CMIP: variants seen among roughly 807,000 people sequenced by gnomAD.
CMIP encodes C-Maf-inducing protein.
Under a neutral mutation model 97.3 loss-of-function variants are expected in CMIP, and 13 were observed. The ratio of observed to expected loss-of-function variants is 0.13; its 90% CI spans 0.09 to 0.21. The LOEUF (loss-of-function observed/expected upper bound fraction) is 0.21, where lower values mean the gene tolerates loss of function less well. Among genes scored for constraint, CMIP ranks in the 10% least tolerant of loss-of-function variants. The pLI is 1.00. For synonymous variants in CMIP, 538 were observed against 436.3 expected, an observed-to-expected ratio of 1.23 and a Z score of -2.91; for missense variants, 847 against 1,024.9, an observed-to-expected ratio of 0.83 and a Z score of 2.37.
At position 81,699,676 on chromosome 16, in the gene CMIP, G is replaced by T; in HGVS notation, c.1639-9G>T. 6.3e-7 allele frequency: 1 copy of T among 1,589,254 alleles called. No homozygotes were observed. The highest frequency in any genetic ancestry group is 1.1e-5 in the South Asian group (1 of 90,130). On this transcript the variant is annotated splice_polypyrimidine_tract_variant and intron_variant, in intron 14 of 20. Coordinates refer to ENST00000537098, the MANE Select transcript of CMIP (RefSeq NM_198390.3). ...TCTGTCCCTTCACCTGGGCCTTCTT[G>T]CCTCACAGGTGCACATCCTCATGGG...
intron 3 of CMIP, chr16:81,645,691 C>T: frequency 1.1e-5 from 15 of 1,424,570 alleles, no homozygotes; most frequent in Non-Finnish European, 1.4e-5. Context: ...TGCCTGCTGT[C>T]TCTGCTTGCC....
chr16:81,469,472 CAG>C (rs898820914), intron 1 of CMIP, among the ~76,000 whole-genome samples: 1 of 152,190 alleles, frequency 6.6e-6, no homozygotes, highest in Non-Finnish European at 1.5e-5. Context: ...GTGTCTGACA[CAG>C]AGAAAGTATA....
At chr16:81,570,015 G>T (rs1447633184) in intron 1 of CMIP, among the ~76,000 whole-genome samples, 1 of 152,056 alleles carries the variant, frequency 6.6e-6, no homozygotes, top group African/African-American at 2.4e-5. Flanking sequence ...GCATCTGTCT[G>T]TCAAAGCCAA....
chr16:81,524,644 C>T (rs922514283), intron 1 of CMIP, among the ~76,000 whole-genome samples: 3 of 152,354 alleles, frequency 2.0e-5, no homozygotes, highest in South Asian at 2.1e-4. Flanking sequence ...AACTTGCCCA[C>T]GGTGGCACAG....
At chr16:81,572,938 G>T (rs2091120856) in intron 1 of CMIP, among the ~76,000 whole-genome samples, 2 of 152,138 alleles carry the variant, frequency 1.3e-5, no homozygotes, top group Admixed American at 1.3e-4. Flanking sequence ...TCACATCCCA[G>T]TTTCTTCAAA....
At chr16:81,549,918 A>G (rs1192747572) in intron 1 of CMIP, among the ~76,000 whole-genome samples, 1 of 152,186 alleles carries the variant, frequency 6.6e-6, no homozygotes, top group African/African-American at 2.4e-5. Context: ...TGCTGTGTGT[A>G]CATGCTTGTG....
chr16:81,642,125 C>G (rs948176643), intron 3 of CMIP, among the ~76,000 whole-genome samples: 1 of 152,244 alleles, frequency 6.6e-6, no homozygotes, highest in Admixed American at 6.5e-5. Flanking sequence ...TGTCTTGTCA[C>G]TCGTCATTCA....
chr16:81,522,189 G>C (rs117912783), intron 1 of CMIP, among the ~76,000 whole-genome samples: 1 of 152,204 alleles, frequency 6.6e-6, no homozygotes, highest in Non-Finnish European at 1.5e-5. Context: ...ATTCGCCCAC[G>C]ATGATCAGGA....
At chr16:81,520,664 G>A (rs1389841873) in intron 1 of CMIP, 1 of 152,054 alleles carries the variant, frequency 6.6e-6, no homozygotes, top group Non-Finnish European at 1.5e-5. Flanking sequence ...AGTAGGGCCT[G>A]ATTATTGGAA....
At position 81,693,492 on chromosome 16, in the gene CMIP, G is replaced by A. The variant is rs1178068596; in HGVS notation, c.1530+5G>A. ...GCCGAAGACCCCAGGCAAGAGGTGA[G>A]GCCTTTGTTTCTGCATCTCAGGCCG... On this transcript the variant is annotated splice_donor_5th_base_variant and intron_variant, in intron 13 of 20. Coordinates refer to ENST00000537098, the MANE Select transcript of CMIP (RefSeq NM_198390.3). 6 of 1,611,212 alleles carry A rather than the reference G, an allele frequency of 3.7e-6. No individual in the cohort carries two copies. The African/African-American group carries it at 8.0e-5, about 22-fold the overall frequency.
In CMIP at chr16:81,595,965, C is replaced by G. The variant is rs189289848; in HGVS notation, c.301-11602C>G. ...AACTACCAAACTATTTTACAAAAAG[C>G]TGCCTGCATCATTTTACATTCACAC... On this transcript the variant is annotated intron_variant, in intron 1 of 20. Transcript: ENST00000537098. Among the ~76,000 whole-genome samples the G allele has an allele frequency of 5.9e-4, 90 of 152,306 alleles. 1 individual carries two copies. Among genetic ancestry groups the G allele is most frequent in the African/African-American group, 2.1e-3 (88 of 41,574 alleles).
At chr16:81,668,429 C>G (rs1007530807) in intron 7 of CMIP, among the ~76,000 whole-genome samples, 2 of 152,182 alleles carry the variant, frequency 1.3e-5, no homozygotes, top group Non-Finnish European at 2.9e-5. Context: ...GCCCCAAGCC[C>G]CCCACTGGGC....
chr16:81,697,807 T>G (rs1181911780), intron 14 of CMIP: 1 of 152,260 alleles, frequency 6.6e-6, no homozygotes, highest in Non-Finnish European at 1.5e-5. Context: ...AAAGGGCTTA[T>G]TTTTAGGCCC....
intron 3 of CMIP, among the ~76,000 whole-genome samples, chr16:81,640,660 C>T (rs920097316): frequency 2.6e-5 from 4 of 151,952 alleles, no homozygotes; most frequent in African/African-American, 9.7e-5. Context: ...CCTCACCCAG[C>T]TTCTGATGGT....
intron 7 of CMIP, among the ~76,000 whole-genome samples, chr16:81,668,890 T>G: frequency 2.1e-5 from 1 of 48,250 alleles, no homozygotes; most frequent in South Asian, 6.5e-4. Context: ...TTGCCTTCCG[T>G]ACCCACCTCA....
intron 1 of CMIP, among the ~76,000 whole-genome samples, chr16:81,458,809 G>T (rs965271129): frequency 1.2e-4 from 18 of 152,156 alleles, no homozygotes; most frequent in African/African-American, 4.1e-4. Context: ...GAAAGCTGGG[G>T]ATATAAGAGT....
At chr16:81,594,068 C>T (rs1357422218) in intron 1 of CMIP, among the ~76,000 whole-genome samples, 5 of 97,220 alleles carry the variant, frequency 5.1e-5, no homozygotes, top group African/African-American at 2.0e-4. Flanking sequence ...CTTCCCCCTC[C>T]CCCTCTTCCC....
At chr16:81,664,384 G>T (rs376966243) in intron 7 of CMIP, 35 bp downstream of exon 7, 3 of 1,562,312 alleles carry the variant, frequency 1.9e-6, no homozygotes, top group South Asian at 2.4e-5. Flanking sequence ...AGACCCCAGC[G>T]CCCAGAACAT....
intron 1 of CMIP, among the ~76,000 whole-genome samples, chr16:81,487,846 C>G (rs1017224156): frequency 6.6e-5 from 10 of 152,190 alleles, no homozygotes; most frequent in Admixed American, 3.3e-4. Context: ...CCAGCAGCAT[C>G]TCAGAGCAAT....
Sources: gnomAD v4.1 joint callset for allele counts (sites outside exome capture counted in the v4.1 genomes callset) on GRCh38, gnomAD v4.1.1 for gene constraint, MANE v1.5 for transcripts, NCBI Gene and HGNC (gene_info 2026-07-23, HGNC 2026-07-21) for gene names.